PUM3: variants seen among roughly 807,000 people sequenced by gnomAD.
The protein encoded by PUM3 is pumilio RNA binding family member 3.
PUM3 carries 91 observed loss-of-function variants against 84.0 expected under a neutral mutation model. The observed-to-expected ratio is 1.08, with a 90% CI of 0.91 to 1.29. PUM3 has a LOEUF of 1.29. Ranked by LOEUF, PUM3 falls within the 50% of genes most tolerant of loss-of-function variation. PUM3 has a pLI of 0.00. For synonymous variants in PUM3, 321 were observed against 266.7 expected (o/e 1.20, Z -1.98); for missense variants, 1,067 against 767.5 (o/e 1.39, Z -4.61).
intron 1 of PUM3, among the ~76,000 whole-genome samples, chr9:2,843,573 C>CT (rs34837134): frequency 0.022 from 2,114 of 96,370 alleles, 80 homozygotes; most frequent in African/African-American, 0.053. Context: ...TCCCGCCCTT[C>CT]TTTTTTTTTT....
chr9:2,843,004 C>A (rs1816308991), intron 1 of PUM3, among the ~76,000 whole-genome samples: 1 of 152,178 alleles, frequency 6.6e-6, no homozygotes, highest in African/African-American at 2.4e-5. Context: ...TCCCTTACGT[C>A]ACCACCCTAA....
intron 5 of PUM3, among the ~76,000 whole-genome samples, chr9:2,832,078 T>C (rs570707615): frequency 3.3e-5 from 5 of 152,292 alleles, no homozygotes; most frequent in Admixed American, 2.0e-4. Context: ...AAGTGCTTAT[T>C]TGTTGCTCAC....
chr9:2,833,550 G>A, intron 4 of PUM3, 118 bp from the exon 5 acceptor site: 1 of 531,474 alleles, frequency 1.9e-6, no homozygotes, highest in Non-Finnish European at 3.2e-6. Flanking sequence ...CTTTTCTAAG[G>A]CAGCAAACCT....
intron 8 of PUM3, 83 bp from the exon 9 acceptor site, chr9:2,828,861 TA>T (rs754830050): frequency 1.3e-6 from 1 of 798,712 alleles, no homozygotes; most frequent in Non-Finnish European, 2.1e-6. Flanking sequence ...TTAGTCATTT[TA>T]AAATAAGTTT....
Position 2,812,275 on chromosome 9 carries a change from G to T in PUM3, c.1357C>A (p.His453Asn), listed in dbSNP as rs760052993. Reference sequence around the variant, plus strand: ...ACTTCAATGATTTCTCGTACTGTATGTGCAGGATCTCTGGGGCTTAGTAAG... The same window carrying T: ...ACTTCAATGATTTCTCGTACTGTATTTGCAGGATCTCTGGGGCTTAGTAAG... ...LYLLSPRDPA[H>N]TVREIIEVLQ... is the part of the protein sequence containing the mutation. The change falls in exon 14 of 18, where the codon CAT (histidine) becomes AAT (asparagine). Residue 453 changes from histidine (H) to asparagine (N), a missense_variant. Physicochemically the swap from His to Asn is moderately conservative, Grantham distance 68. Coordinates refer to ENST00000397885, the MANE Select transcript of PUM3 (RefSeq NM_014878.5). The T allele has an allele frequency of 1.2e-4, 191 of 1,612,752 alleles. No homozygotes were observed. In the Middle Eastern group the frequency reaches 1.3e-3, roughly 11 times the overall value.
Position 2,812,296 on chromosome 9 carries a change from G to A in PUM3, c.1336C>T (p.Leu446=), listed in dbSNP as rs151222510. ...GTATGTGCAGGATCTCTGGGGCTTA[G>A]TAAGTACAATAGGACCTTCCTTCCA... The part of the protein sequence containing the change: ...KYGRKVLLYL[L]SPRDPAHTVR... Residue 446 remains leucine, a synonymous_variant, in exon 14 of 18, where the codon CTA becomes TTA. Coordinates refer to ENST00000397885, the MANE Select transcript of PUM3 (RefSeq NM_014878.5). 7.2e-5 allele frequency: 116 copies of A among 1,606,830 alleles called. No homozygotes were observed. The highest frequency in any genetic ancestry group is 8.9e-5 in the Non-Finnish European group (104 of 1,173,536).
chr9:2,843,235 T>C (rs999316785), intron 1 of PUM3, among the ~76,000 whole-genome samples: 22 of 152,202 alleles, frequency 1.4e-4, no homozygotes, highest in African/African-American at 5.3e-4. Context: ...CGGCTAACTT[T>C]ATCTTGTACT....
intron 17 of PUM3, among the ~76,000 whole-genome samples, chr9:2,806,951 G>A (rs1040770660): frequency 1.3e-5 from 2 of 152,182 alleles, no homozygotes; most frequent in African/African-American, 4.8e-5. Context: ...GCTCATGCCT[G>A]TAATCCCAGC....
chr9:2,840,562 G>A (rs1401255124), intron 1 of PUM3, among the ~76,000 whole-genome samples: 1 of 152,096 alleles, frequency 6.6e-6, no homozygotes. Context: ...TTTCTGTAGG[G>A]AAGACTTGTC....
chr9:2,811,352 G>C lies in PUM3; in HGVS notation c.1635+9C>G. 6.2e-7 allele frequency: 1 copy of C among 1,612,760 alleles called. No individual in the cohort carries two copies. Among genetic ancestry groups the C allele is most frequent in the Non-Finnish European group, 8.5e-7 (1 of 1,179,354 alleles). ...CAGCTTTCCTGCCTGTGCTTTAATG[G>C]CACATTACCTCTCCGTCCTTGCCAC... is the stretch of plus-strand genomic sequence containing the variant. On this transcript the variant is annotated intron_variant, in intron 15 of 17. Transcript: ENST00000397885.
In PUM3 at chr9:2,820,054, A is replaced by G. The variant is rs1198159176; in HGVS notation, c.1233T>C (p.Ile411=). The G allele has an allele frequency of 6.2e-7, 1 of 1,612,864 alleles. No homozygotes were observed. The highest frequency in any genetic ancestry group is 2.2e-5 in the East Asian group (1 of 44,828). ...HLVLLAAFDC[I]DDTKLVKQII... ...TCTGCTTCACAAGCTTAGTATCATCAATACAATCAAATGCCGCCAGTAAAA... is the reference window on the plus strand; with the variant it reads ...TCTGCTTCACAAGCTTAGTATCATCGATACAATCAAATGCCGCCAGTAAAA... Residue 411 remains isoleucine, a synonymous_variant, in exon 13 of 18, where the codon ATT becomes ATC. Coordinates refer to ENST00000397885, the MANE Select transcript of PUM3 (RefSeq NM_014878.5).
rs999451210 is a variant in PUM3 at position 2,834,021 on chromosome 9, G to A, written c.440+10C>T. ...AAGGGACTAACAAAGGCATCTTTAG[G>A]TAGAATTACCTTCTTAAAATCTCCC... On this transcript the variant is annotated intron_variant, in intron 4 of 17. Transcript: ENST00000397885. 1.2e-5 allele frequency: 20 copies of A among 1,611,818 alleles called. No homozygotes were observed. The highest frequency in any genetic ancestry group is 1.5e-5 in the Non-Finnish European group (18 of 1,179,104).
intron 13 of PUM3, 84 bp from the exon 14 acceptor site, chr9:2,812,446 A>C: frequency 1.1e-6 from 1 of 928,630 alleles, no homozygotes; most frequent in South Asian, 1.7e-5. Context: ...CATATTTGCC[A>C]TTTACTATGC....
intron 9 of PUM3, chr9:2,828,341 T>C (rs889990807): frequency 5.2e-5 from 11 of 212,322 alleles, no homozygotes; most frequent in Non-Finnish European, 7.4e-5. Context: ...GTACCTTGCC[T>C]ACAACCAAAT....
chr9:2,805,359 T>G (rs935679719), intron 17 of PUM3, among the ~76,000 whole-genome samples: 1 of 152,230 alleles, frequency 6.6e-6, no homozygotes, highest in East Asian at 1.9e-4. Context: ...CCTACAGCTC[T>G]GACCGCAGAG....
intron 3 of PUM3, among the ~76,000 whole-genome samples, chr9:2,836,268 A>G (rs149020467): frequency 5.3e-4 from 80 of 152,324 alleles, no homozygotes; most frequent in Non-Finnish European, 1.0e-3. Flanking sequence ...CTCAGCTGGC[A>G]ACAAAGGAGC....
rs1407893917 is a variant in PUM3, at chr9:2,844,073, CA to C, written c.-40del. The C allele has an allele frequency of 1.3e-5, 2 of 159,328 alleles. No individual in the cohort carries two copies. Among genetic ancestry groups the C allele is most frequent in the Non-Finnish European group, 2.9e-5 (2 of 68,194 alleles). The allele number at this position is 159,328 out of a possible 1,614,324, so 9.9% of individuals were successfully genotyped here. A position where few individuals can be genotyped will look rare whatever the true frequency, so the allele number is the denominator to read the frequency against. On this transcript the variant is annotated 5_prime_UTR_variant, in exon 1 of 18. Transcript: ENST00000397885. ...ACACGTGGGACCGAGACAGCTCGCG[CA>C]GCGGATCCCGACCGCCTCTCCGCTT...
intron 13 of PUM3, among the ~76,000 whole-genome samples, chr9:2,813,371 G>GT (rs1329154037): frequency 2.0e-5 from 3 of 152,134 alleles, no homozygotes; most frequent in African/African-American, 7.2e-5. Flanking sequence ...CCTATTTCTT[G>GT]TAACAAACTT....
In PUM3 at chr9:2,816,446, C is replaced by T. The variant is rs142511850; in HGVS notation, c.1269+3572G>A. Among the ~76,000 whole-genome samples, 3 of 152,302 alleles carry T rather than the reference C, an allele frequency of 2.0e-5. No homozygotes were observed. In the East Asian group the frequency reaches 5.8e-4, roughly 29 times the overall value. On this transcript the variant is annotated intron_variant, in intron 13 of 17. Transcript: ENST00000397885. ...AAAAAAAGTCCTGGAGATTGCCTAA[C>T]AATGAGCATATTTAATACTACTTAA... is the stretch of plus-strand genomic sequence containing the variant.
Sources: gnomAD v4.1 joint callset for allele counts (sites outside exome capture counted in the v4.1 genomes callset) on GRCh38, gnomAD v4.1.1 for gene constraint, MANE v1.5 for transcripts, NCBI Gene and HGNC (gene_info 2026-07-23, HGNC 2026-07-21) for gene names.